Variants in GALNTL5 observed in about 807,000 individuals in gnomAD.
GALNTL5 encodes the protein inactive polypeptide N-acetylgalactosaminyltransferase-like protein 5.
Under a neutral mutation model 51.0 loss-of-function variants are expected in GALNTL5, and 44 were observed. The observed-to-expected ratio is 0.86, with a 90% CI of 0.68 to 1.11. GALNTL5 has a LOEUF of 1.11. Among genes scored for constraint, GALNTL5 ranks in the 50% least tolerant of loss-of-function variants. The pLI, the probability that GALNTL5 is intolerant of heterozygous loss-of-function variation, is 0.00. For missense variants in GALNTL5, 528 were observed against 531.8 expected (o/e 0.99, Z 0.07); for synonymous variants, 192 against 182.8 (o/e 1.05, Z -0.41).
At chr7:151,960,487 A>G (rs2080978127) in intron 1 of GALNTL5, 3 of 152,268 alleles carry the variant, frequency 2.0e-5, no homozygotes, top group South Asian at 2.1e-4. Flanking sequence ...TTCCCCAGGA[A>G]GAAGACTATT....
rs186754857 is a variant in GALNTL5, at chr7:152,000,252, C to T, written c.659-2462C>T. 1.4e-4 allele frequency among the ~76,000 whole-genome samples: 22 copies of T among 152,254 alleles called. 1 individual carries two copies. The highest frequency in any genetic ancestry group is 3.4e-3 in the Middle Eastern group (1 of 294). ...TATAGGGATCATCTTAGATGGTGTC[C>T]GGTAGGACTATCTAGAAGAATGGAC... On this transcript the variant is annotated intron_variant, in intron 5 of 8. Coordinates refer to ENST00000392800, the MANE Select transcript of GALNTL5 (RefSeq NM_145292.4).
intron 6 of GALNTL5, among the ~76,000 whole-genome samples, chr7:152,003,337 G>GT (rs2081606029): frequency 6.6e-6 from 1 of 152,168 alleles, no homozygotes; most frequent in Non-Finnish European, 1.5e-5. Context: ...GCCATGTACA[G>GT]TTGCACCAGC....
intron 7 of GALNTL5, among the ~76,000 whole-genome samples, chr7:152,010,238 G>A (rs923922321): frequency 2.0e-5 from 3 of 151,600 alleles, no homozygotes; most frequent in Non-Finnish European, 4.4e-5. Context: ...TCAGCCTCCC[G>A]AGTAGTTGGG....
intron 5 of GALNTL5, among the ~76,000 whole-genome samples, chr7:152,001,746 A>C (rs2081582935): frequency 6.6e-6 from 1 of 152,166 alleles, no homozygotes; most frequent in Non-Finnish European, 1.5e-5. Flanking sequence ...TTTAGGATCA[A>C]TTTCTTTAAA....
rs76590892 is a variant in GALNTL5 at position 151,988,133 on chromosome 7, A to G, written c.658+852A>G. ...TTCAGAGGGATCCCAGTTCCAGGTA[A>G]GGGGACCAGGCATGGACCAGTCATT... On this transcript the variant is annotated intron_variant, in intron 5 of 8. Transcript: ENST00000392800. 7.3e-3 allele frequency among the ~76,000 whole-genome samples: 1,116 copies of G among 152,318 alleles called. 11 individuals are homozygous for G. The highest frequency in any genetic ancestry group is 0.025 in the African/African-American group (1,023 of 41,574).
At chr7:151,997,068 C>A (rs557476244) in intron 5 of GALNTL5, among the ~76,000 whole-genome samples, 1 of 152,130 alleles carries the variant, frequency 6.6e-6, no homozygotes, top group Admixed American at 6.5e-5. Flanking sequence ...AAATAGACTA[C>A]GACAGGAGAG....
intron 7 of GALNTL5, 118 bp downstream of exon 7, chr7:152,008,062 G>A (rs945051852): frequency 3.1e-6 from 2 of 638,730 alleles, no homozygotes; most frequent in Admixed American, 2.8e-5. Context: ...CATTCCAGCA[G>A]CACATGCAAT....
chr7:151,964,461 A>G (rs2081031661), intron 1 of GALNTL5, among the ~76,000 whole-genome samples: 1 of 152,032 alleles, frequency 6.6e-6, no homozygotes, highest in African/African-American at 2.4e-5. Context: ...TTCTCGTGAG[A>G]GTGAGTAAGT....
rs537686427 is a variant in GALNTL5 at position 152,000,003 on chromosome 7, A to G, written c.659-2711A>G. ...ATTTTTGGAGAAAGCTACTGCTCAA[A>G]GCCTGGTGAGAGAGACTTGATATGA... On this transcript the variant is annotated intron_variant, in intron 5 of 8. Coordinates refer to ENST00000392800, the MANE Select transcript of GALNTL5 (RefSeq NM_145292.4). Among the ~76,000 whole-genome samples, 10 of 152,380 alleles carry G rather than the reference A, an allele frequency of 6.6e-5. No homozygotes were observed. The South Asian group carries it at 1.9e-3, about 28-fold the overall frequency.
intron 1 of GALNTL5, among the ~76,000 whole-genome samples, chr7:151,964,650 C>T (rs745536942): frequency 6.6e-6 from 1 of 152,120 alleles, no homozygotes; most frequent in Non-Finnish European, 1.5e-5. Context: ...TACCCAGCCT[C>T]GGGTATCTTC....
At position 151,996,584 on chromosome 7, in the gene GALNTL5, A is replaced by G. The variant is rs1586838987; in HGVS notation, c.659-6130A>G. ...AGAAGACCTCATTTCTACAGAAATA[A>G]ATGAACAAATAAAAATAAGCTAGGC... On this transcript the variant is annotated intron_variant, in intron 5 of 8. Transcript: ENST00000392800. Among the ~76,000 whole-genome samples, 2 of 152,294 alleles carry G rather than the reference A, an allele frequency of 1.3e-5. 1 individual carries two copies. The highest frequency in any genetic ancestry group is 4.2e-4 in the South Asian group (2 of 4,812).
intron 7 of GALNTL5, among the ~76,000 whole-genome samples, chr7:152,012,297 A>T (rs146047043): frequency 6.6e-6 from 1 of 152,336 alleles, no homozygotes; most frequent in African/African-American, 2.4e-5. Context: ...TGGAATGACC[A>T]GCTAAGTGGA....
At chr7:151,975,382 AT>A (rs1322184129) in intron 3 of GALNTL5, among the ~76,000 whole-genome samples, 7 of 151,826 alleles carry the variant, frequency 4.6e-5, no homozygotes, top group Non-Finnish European at 8.8e-5. Context: ...GTCTTTTATG[AT>A]TCTCTGTTTT....
chr7:152,000,911 C>CT (rs66497039), intron 5 of GALNTL5, among the ~76,000 whole-genome samples: 25,858 of 128,650 alleles, frequency 0.2, 3,375 homozygotes, highest in African/African-American at 0.37. Flanking sequence ...TTTTTTCTTT[C>CT]TTTTTTTTTT....
intron 5 of GALNTL5, among the ~76,000 whole-genome samples, chr7:151,990,797 C>T (rs1271009288): frequency 6.6e-6 from 1 of 151,884 alleles, no homozygotes; most frequent in Non-Finnish European, 1.5e-5. Flanking sequence ...GACTAAGTGA[C>T]TTTGGAGGCT....
chr7:151,959,050 C>T lies in GALNTL5; in HGVS notation c.-40+2441C>T, dbSNP rs76975565. 4.5e-3 allele frequency among the ~76,000 whole-genome samples: 688 copies of T among 152,294 alleles called. 2 individuals carry two copies. The highest frequency in any genetic ancestry group is 0.015 in the African/African-American group (624 of 41,564). On this transcript the variant is annotated intron_variant, in intron 1 of 8. Transcript: ENST00000392800. Reference sequence around the variant, plus strand: ...GGCTACAAGGCATTGAGGAAGTTCTCACTCCGGTCGTGGACTCTGGCAACT... The same window carrying T: ...GGCTACAAGGCATTGAGGAAGTTCTTACTCCGGTCGTGGACTCTGGCAACT...
At chr7:151,998,548 G>A (rs1280518033) in intron 5 of GALNTL5, among the ~76,000 whole-genome samples, 1 of 152,178 alleles carries the variant, frequency 6.6e-6, no homozygotes. Context: ...GAGGCAGGTA[G>A]ATCATTTGAA....
chr7:151,995,294 A>T (rs1372540719), intron 5 of GALNTL5: 1 of 147,670 alleles, frequency 6.8e-6, no homozygotes. Context: ...GAAGAAAGAG[A>T]ATGTTGCAAT....
chr7:152,016,726 A>G (rs746687942), intron 8 of GALNTL5, among the ~76,000 whole-genome samples: 11 of 152,176 alleles, frequency 7.2e-5, no homozygotes, highest in African/African-American at 1.9e-4. Flanking sequence ...AGTCGCTATA[A>G]TCCTATACAG....
Sources: allele counts gnomAD v4.1 joint callset (sites outside exome capture counted in the v4.1 genomes callset), GRCh38; gene constraint gnomAD v4.1.1; transcripts MANE v1.5; gene names NCBI Gene and HGNC (gene_info 2026-07-23, HGNC 2026-07-21).